DBH: variants seen among roughly 807,000 people sequenced by gnomAD.
DBH encodes dopamine beta-hydroxylase (dopamine beta-monooxygenase).
A neutral mutation model predicts 64.0 loss-of-function variants in DBH; 49 were observed. That is an observed-to-expected ratio of 0.77 (90% CI 0.61 to 0.97). The LOEUF is 0.97. DBH is among the 50% of genes least tolerant of loss of function. The pLI is 0.00. For synonymous variants in DBH, 343 were observed against 347.1 expected (o/e 0.99, Z 0.13); for missense variants, 828 against 826.6 (o/e 1.00, Z -0.02).
rs1263247657 is a variant in DBH at position 133,643,091 on chromosome 9, T to G, written c.745-322T>G. Among the ~76,000 whole-genome samples the G allele has an allele frequency of 3.9e-5, 6 of 152,086 alleles. No individual in the cohort carries two copies. Among genetic ancestry groups the G allele is most frequent in the Non-Finnish European group, 8.8e-5 (6 of 67,996 alleles). On this transcript the variant is annotated intron_variant, in intron 3 of 11. Transcript: ENST00000393056. This position sits in a 1 kb window ranked among gnomAD's most constrained non-coding sequence, Gnocchi z 5.3. ...TTGAAGGTGCGCTTTGGGCCCGGGC[T>G]CTAACCTCAGGGCTGCCCTGCCTCC...
At position 133,636,819 on chromosome 9, in the gene DBH, G is replaced by A. The variant is rs2797849; in HGVS notation, c.339+109G>A. On this transcript the variant is annotated intron_variant, in intron 1 of 11. Coordinates refer to ENST00000393056, the MANE Select transcript of DBH (RefSeq NM_000787.4). ...AACCCAGAAAGTTCTTCTGTCACCTGTCAGTGTTTGAGTTGACTCTGCTCT... is the reference window on the plus strand; with the variant it reads ...AACCCAGAAAGTTCTTCTGTCACCTATCAGTGTTTGAGTTGACTCTGCTCT... The A allele has an allele frequency of 5.7e-6, 6 of 1,043,962 alleles. 1 individual carries two copies. Among genetic ancestry groups the A allele is most frequent in the South Asian group, 5.4e-5 (4 of 74,162 alleles). The allele number at this position is 1,043,962 out of a possible 1,614,324, so 64.7% of individuals were successfully genotyped here.
rs1438782094 is a variant in DBH at position 133,643,979 on chromosome 9, T to G, written c.922-239T>G. 6.6e-6 allele frequency among the ~76,000 whole-genome samples: 1 copy of G among 152,098 alleles called. No homozygotes were observed. Among genetic ancestry groups the G allele is most frequent in the East Asian group, 1.9e-4 (1 of 5,180 alleles). ...TTACACCCGTCTAGAGAAGGGGTTTTGGGGGAAGGCTCAGCCCTAGGCACC... is the reference window on the plus strand; with the variant it reads ...TTACACCCGTCTAGAGAAGGGGTTTGGGGGGAAGGCTCAGCCCTAGGCACC... On this transcript the variant is annotated intron_variant, in intron 4 of 11. Coordinates refer to ENST00000393056, the MANE Select transcript of DBH (RefSeq NM_000787.4). The surrounding 1 kb of genome is among the most constrained non-coding windows in gnomAD (Gnocchi z 5.3).
chr9:133,657,241 T>A lies in DBH; in HGVS notation c.1722+12T>A. 1 of 1,613,360 alleles carries A rather than the reference T, an allele frequency of 6.2e-7. No homozygotes were observed. Among genetic ancestry groups the A allele is most frequent in the Non-Finnish European group, 8.5e-7 (1 of 1,180,016 alleles). On this transcript the variant is annotated intron_variant, in intron 11 of 11. Transcript: ENST00000393056. ...CCGTCCGCTTCCAGGTGCGCTGCCA[T>A]GGGCCCGGGTGGGGCATGCAGTCAG...
intron 9 of DBH, among the ~76,000 whole-genome samples, chr9:133,653,658 AGGATGAGCGTCAGCTGAGGATGCATTTT>A (rs1472890054): frequency 2.0e-4 from 30 of 152,200 alleles, no homozygotes; most frequent in Non-Finnish European, 3.5e-4. Flanking sequence ...GGGGTCAGGC[AGGATGAGCGTCAGCTGAGGATGCATTTT>A]GGCTGGACTG....
intron 1 of DBH, among the ~76,000 whole-genome samples, chr9:133,637,969 C>A (rs1052245153): frequency 6.6e-6 from 1 of 152,238 alleles, no homozygotes; most frequent in African/African-American, 2.4e-5. Flanking sequence ...TCTGGAGGAG[C>A]AGCTGAACCC....
rs1191529021 is a variant in DBH, at chr9:133,657,452, G to A, written c.1722+223G>A. On this transcript the variant is annotated intron_variant, in intron 11 of 11. Coordinates refer to ENST00000393056, the MANE Select transcript of DBH (RefSeq NM_000787.4). ...GAGAGAGGAGAGAGAGGAGAGAGAG[G>A]AGAGAGGGAGAGGGAGAGAGGGAGA... 6 of 415,810 alleles carry A rather than the reference G, an allele frequency of 1.4e-5. No homozygotes were observed. The Middle Eastern group carries it at 1.9e-3, about 134-fold the overall frequency. 25.8% of individuals were successfully genotyped at this position (415,810 alleles called of 1,614,324 possible).
At chr9:133,642,074 T>C in intron 2 of DBH, 133 bp from the exon 3 acceptor site, 1 of 1,271,880 alleles carries the variant, frequency 7.9e-7, no homozygotes, top group Non-Finnish European at 1.1e-6. Flanking sequence ...GCCTCAAGGG[T>C]CCCTTATTCA....
chr9:133,640,529 C>T (rs895379916), intron 2 of DBH, among the ~76,000 whole-genome samples: 1 of 152,238 alleles, frequency 6.6e-6, no homozygotes, highest in Non-Finnish European at 1.5e-5. Context: ...TTGTAAAAGC[C>T]ATAGGCTTCT....
At chr9:133,644,429 G>C in intron 5 of DBH, 109 bp downstream of exon 5, 1 of 867,658 alleles carries the variant, frequency 1.2e-6, no homozygotes, top group South Asian at 1.4e-5. Context: ...CCGCTGTACA[G>C]CTCCTCTTGG....
Position 133,657,438 on chromosome 9 carries a change from GAGAGGAGA to G in DBH, c.1722+210_1722+217del, listed in dbSNP as rs879281027. 12 of 541,090 alleles carry G rather than the reference GAGAGGAGA, an allele frequency of 2.2e-5. No individual in the cohort carries two copies. In the Admixed American group the frequency reaches 3.1e-4, roughly 14 times the overall value. 33.5% of individuals were successfully genotyped at this position (541,090 alleles called of 1,614,324 possible). A position where few individuals can be genotyped will look rare whatever the true frequency, so the allele number is the denominator to read the frequency against. On this transcript the variant is annotated intron_variant, in intron 11 of 11. Coordinates refer to ENST00000393056, the MANE Select transcript of DBH (RefSeq NM_000787.4). ...GAGGAGAGAGAGGAGAGAGAGGAGA[GAGAGGAGA>G]GAGAGGAGAGAGGGAGAGGGAGAGA...
rs1443852126 is a variant in DBH, at chr9:133,651,601, AGG to A, written c.1192-32_1192-31del. On this transcript the variant is annotated intron_variant, in intron 6 of 11. Transcript: ENST00000393056. ...GGACGGGAGGGTCCCCTCGGGGGTC[AGG>A]CCCTGACACTGCAGCCCCCCGACCC... is the stretch of plus-strand genomic sequence containing the variant. The A allele has an allele frequency of 8.1e-6, 13 of 1,612,044 alleles. No homozygotes were observed. In the Admixed American group the frequency reaches 2.0e-4, roughly 25 times the overall value.
chr9:133,647,788 G>A, intron 5 of DBH, 58 bp from the exon 6 acceptor site: 1 of 1,602,354 alleles, frequency 6.2e-7, no homozygotes, highest in Non-Finnish European at 8.5e-7. Flanking sequence ...CTGTCCGCAG[G>A]GGGAAGTGAG....
intron 5 of DBH, among the ~76,000 whole-genome samples, chr9:133,644,956 C>T (rs560134951): frequency 9.8e-5 from 11 of 112,394 alleles, no homozygotes; most frequent in South Asian, 7.0e-4. Flanking sequence ...CACACACACA[C>T]GCACACACAC....
At chr9:133,657,415 G>A (rs1832339734) in intron 11 of DBH, 186 bp downstream of exon 11, 1 of 46,236 alleles carries the variant, frequency 2.2e-5, no homozygotes, top group Admixed American at 3.1e-4. Context: ...AGAGGAGAGA[G>A]GAGAGAGAGG....
At chr9:133,644,680 G>A (rs188452805) in intron 5 of DBH, among the ~76,000 whole-genome samples, 1 of 152,334 alleles carries the variant, frequency 6.6e-6, no homozygotes, top group African/African-American at 2.4e-5. Flanking sequence ...CCAAATACAG[G>A]GAGAGGTGTG....
chr9:133,640,862 C>T (rs1832109239), intron 2 of DBH, among the ~76,000 whole-genome samples: 1 of 152,206 alleles, frequency 6.6e-6, no homozygotes, highest in Admixed American at 6.5e-5. Context: ...AGGCCTGAGG[C>T]TTTCTTGGGG....
At chr9:133,645,947 T>C (rs1458174805) in intron 5 of DBH, among the ~76,000 whole-genome samples, 1 of 152,194 alleles carries the variant, frequency 6.6e-6, no homozygotes, top group African/African-American at 2.4e-5. Context: ...GGGAAGATGT[T>C]AGTATCTGTA....
intron 5 of DBH, among the ~76,000 whole-genome samples, chr9:133,646,655 C>T (rs1832185471): frequency 6.9e-6 from 1 of 144,826 alleles, no homozygotes; most frequent in African/African-American, 2.7e-5. Flanking sequence ...TCCTGAGTAG[C>T]TGGGATTATA....
In DBH at chr9:133,647,915, T is replaced by C. The variant is rs200103371; in HGVS notation, c.1094T>C (p.Met365Thr). ...AKLRRFNAGI[M>T]ELGLVYTPVM... Reference sequence around the variant, plus strand: ...CTGCGGCGCTTCAACGCGGGGATCATGGAGCTGGGACTGGTGTACACGCCA... The same window carrying C: ...CTGCGGCGCTTCAACGCGGGGATCACGGAGCTGGGACTGGTGTACACGCCA... The change falls in exon 6 of 12, where the codon ATG (methionine) becomes ACG (threonine). Residue 365 changes from methionine to threonine, a missense_variant. By Grantham distance (81) the Met-to-Thr change is moderately conservative. Transcript: ENST00000393056. 199 of 1,614,090 alleles carry C rather than the reference T, an allele frequency of 1.2e-4. No individual in the cohort carries two copies. In the Middle Eastern group the frequency reaches 2.5e-3, roughly 20 times the overall value.
Sources: allele counts gnomAD v4.1 joint callset (sites outside exome capture counted in the v4.1 genomes callset), GRCh38; gene constraint gnomAD v4.1.1; non-coding constraint Gnocchi (gnomAD v3.1); transcripts MANE v1.5; gene names NCBI Gene and HGNC (gene_info 2026-07-23, HGNC 2026-07-21).